RTL4: variants seen among roughly 807,000 people sequenced by gnomAD.
RTL4 encodes retrotransposon Gag like 4, also known as retrotransposon Gag-like protein 4.
A neutral mutation model predicts 5.3 loss-of-function variants in RTL4; 4 were observed. The observed-to-expected ratio is 0.75, with a 90% confidence interval of 0.37 to 1.72. The LOEUF is 1.72. RTL4 is among the 40% of genes most tolerant of loss of function. The probability of loss-of-function intolerance (pLI) is 0.04; values close to 1 mark genes in which losing one functional copy is unlikely to be tolerated. For missense variants in RTL4, 260 were observed against 227.1 expected, an observed-to-expected ratio of 1.14 and a Z score of -0.93; for synonymous variants, 98 against 87.3, an observed-to-expected ratio of 1.12 and a Z score of -0.68.
At chrX:112,362,455 G>T in the RTL4 span, among the ~76,000 whole-genome samples, 1 of 111,764 alleles carries the variant, frequency 8.9e-6, no homozygotes, top group Non-Finnish European at 1.9e-5. Flanking sequence ...AATGGTTAAA[G>T]AAAGTCTCTT....
At chrX:112,430,935 A>T in the RTL4 span, among the ~76,000 whole-genome samples, 2 of 111,933 alleles carry the variant, frequency 1.8e-5, no homozygotes, top group African/African-American at 6.5e-5. Flanking sequence ...GATAGATATG[A>T]TGTATTGGGC....
At chrX:112,429,513 TTATACCTAGGC>T in the RTL4 span, among the ~76,000 whole-genome samples, 5 of 111,067 alleles carry the variant, frequency 4.5e-5, no homozygotes, top group Admixed American at 9.6e-5. Flanking sequence ...TGTATTTCAC[TTATACCTAGGC>T]ATACATAAGC....
At chrX:112,354,035 C>G in the RTL4 span, among the ~76,000 whole-genome samples, 1 of 110,724 alleles carries the variant, frequency 9.0e-6, no homozygotes, top group Non-Finnish European at 1.9e-5. Flanking sequence ...TGTTTCATGC[C>G]TCCCATGGGC....
At chrX:112,280,182 G>C in the RTL4 span, among the ~76,000 whole-genome samples, 1 of 111,476 alleles carries the variant, frequency 9.0e-6, no homozygotes, top group South Asian at 3.8e-4. Flanking sequence ...AAAAGAATCA[G>C]AGTCATTATC....
the RTL4 span, among the ~76,000 whole-genome samples, chrX:112,289,405 A>G: frequency 8.9e-6 from 1 of 112,560 alleles, no homozygotes; most frequent in South Asian, 3.7e-4. Context: ...TTGTCCTTGG[A>G]AAGTTTATAG....
At chrX:112,169,085 T>TTC in the RTL4 span, among the ~76,000 whole-genome samples, 13 of 40,119 alleles carry the variant, frequency 3.2e-4, no homozygotes, top group Middle Eastern at 0.014. Context: ...CTTTCTTTCT[T>TTC]TTCTTTCTTT....
chrX:112,091,922 T>A, the RTL4 span, among the ~76,000 whole-genome samples: 1 of 111,603 alleles, frequency 9.0e-6, no homozygotes, highest in African/African-American at 3.2e-5. Context: ...TGCCTGTATG[T>A]TTATAATTGC....
the RTL4 span, among the ~76,000 whole-genome samples, chrX:112,411,916 C>G: frequency 9.0e-6 from 1 of 110,725 alleles, no homozygotes. Flanking sequence ...GCCAAATTAT[C>G]TTCATTTGTA....
At chrX:112,316,496 T>C in the RTL4 span, among the ~76,000 whole-genome samples, 1 of 111,769 alleles carries the variant, frequency 8.9e-6, no homozygotes, top group South Asian at 3.8e-4. Context: ...ATGTTTCCTA[T>C]TTGAGTGGTG....
the RTL4 span, among the ~76,000 whole-genome samples, chrX:112,373,430 C>T: frequency 1.8e-5 from 2 of 110,912 alleles, no homozygotes; most frequent in East Asian, 2.8e-4. Flanking sequence ...TTTCTCTAGT[C>T]GCTTGTCAGT....
At chrX:112,099,525 AGGATTT>A in the RTL4 span, among the ~76,000 whole-genome samples, 1 of 111,385 alleles carries the variant, frequency 9.0e-6, no homozygotes, top group Non-Finnish European at 1.9e-5. Context: ...AAGCCATAAA[AGGATTT>A]ACTGAAAGCA....
chrX:112,456,822 G>A (rs1338885370), exon 1 of RTL4: 1 of 124,517 alleles, frequency 8.0e-6, no homozygotes, highest in Non-Finnish European at 1.8e-5. Context: ...AAAATCCTGG[G>A]GCACATACAT....
At chrX:112,226,464 T>C in the RTL4 span, among the ~76,000 whole-genome samples, 1 of 111,827 alleles carries the variant, frequency 8.9e-6, no homozygotes, top group African/African-American at 3.3e-5. Context: ...TTAAAACAAG[T>C]AGCTTGGTGC....
chrX:112,135,232 A>C, the RTL4 span, among the ~76,000 whole-genome samples: 1 of 111,762 alleles, frequency 8.9e-6, no homozygotes, highest in Non-Finnish European at 1.9e-5. Flanking sequence ...CAACCTTTTT[A>C]ATTTTAGGCA....
chrX:112,202,582 A>G, the RTL4 span, among the ~76,000 whole-genome samples: 2 of 102,071 alleles, frequency 2.0e-5, no homozygotes, highest in African/African-American at 3.6e-5. Context: ...TTATTATGAG[A>G]CAGAGCCTCA....
the RTL4 span, among the ~76,000 whole-genome samples, chrX:112,352,400 C>T: frequency 9.0e-6 from 1 of 111,062 alleles, no homozygotes; most frequent in African/African-American, 3.3e-5. Context: ...AGAACAAAGC[C>T]AGAGGCATCA....
At chrX:112,153,051 A>G in the RTL4 span, among the ~76,000 whole-genome samples, 1 of 112,032 alleles carries the variant, frequency 8.9e-6, no homozygotes. Flanking sequence ...GGTCAAATAA[A>G]TAATAAATAA....
the RTL4 span, among the ~76,000 whole-genome samples, chrX:112,384,917 T>A: frequency 1.8e-5 from 2 of 111,280 alleles, no homozygotes; most frequent in Non-Finnish European, 3.8e-5. Flanking sequence ...CTTGAAGAAA[T>A]CCTTCACATC....
At chrX:112,345,319 C>T in the RTL4 span, among the ~76,000 whole-genome samples, 3 of 111,039 alleles carry the variant, frequency 2.7e-5, no homozygotes, top group Admixed American at 9.6e-5. Context: ...GTTCAGTTCC[C>T]GGACTATATA....
Sources: gnomAD v4.1 joint callset for allele counts (sites outside exome capture counted in the v4.1 genomes callset) on GRCh38, gnomAD v4.1.1 for gene constraint, MANE v1.5 for transcripts, NCBI Gene and HGNC (gene_info 2026-07-23, HGNC 2026-07-21) for gene names.